The following KCNQ1 variants were observed in gnomAD, a reference collection of about 807,000 sequenced individuals.
KCNQ1 encodes potassium voltage-gated channel subfamily KQT member 1.
In KCNQ1, 49 loss-of-function variants were observed where a neutral mutation model predicts 72.4. That is an observed-to-expected ratio of 0.68 (90% CI 0.54 to 0.86). The LOEUF (loss-of-function observed/expected upper bound fraction) is 0.86. Ranked by LOEUF, KCNQ1 falls within the 40% of genes least tolerant of loss-of-function variation. KCNQ1 has a pLI of 0.00. For synonymous variants in KCNQ1, 450 were observed against 412.6 expected (o/e 1.09, Z -1.10); for missense variants, 790 against 945.1 (o/e 0.84, Z 2.15).
At position 2,803,207 on chromosome 11, in the gene KCNQ1, C is replaced by T. The variant is rs1847307712; in HGVS notation, c.1794+25170C>T. Among the ~76,000 whole-genome samples, 1 of 152,204 alleles carries T rather than the reference C, an allele frequency of 6.6e-6. No homozygotes were observed. Among genetic ancestry groups the T allele is most frequent in the African/African-American group, 2.4e-5 (1 of 41,450 alleles). On this transcript the variant is annotated intron_variant, in intron 15 of 15. Transcript: ENST00000155840. The surrounding 1 kb of genome is among the most constrained non-coding windows in gnomAD (Gnocchi z 6.4). ...CGCCCTGGCTTTGCTGGAGGACCTGCCATGGCTTTGCCAGAAGACCCTGGG... is the reference window on the plus strand; with the variant it reads ...CGCCCTGGCTTTGCTGGAGGACCTGTCATGGCTTTGCCAGAAGACCCTGGG...
rs144223872 is a variant in KCNQ1, at chr11:2,612,482, G to C, written c.1393+23628G>C. 2.5e-6 allele frequency: 1 copy of C among 398,318 alleles called. No homozygotes were observed. Among genetic ancestry groups the C allele is most frequent in the Non-Finnish European group, 4.4e-6 (1 of 226,042 alleles). The allele number at this position is 398,318 out of a possible 1,614,324, so 24.7% of individuals were successfully genotyped here. On this transcript the variant is annotated intron_variant, in intron 10 of 15. Coordinates refer to ENST00000155840, the MANE Select transcript of KCNQ1 (RefSeq NM_000218.3). The surrounding 1 kb of genome is among the most constrained non-coding windows in gnomAD (Gnocchi z 5.5). ...GTCTGAATCATCTTTATGGATCTGC[G>C]TTGAAGTTCATTGATTCTTTCTTCT... is the stretch of plus-strand genomic sequence containing the variant.
chr11:2,769,592 T>G lies in KCNQ1; in HGVS notation c.1590+673T>G. Among the ~76,000 whole-genome samples, 1 of 152,158 alleles carries G rather than the reference T, an allele frequency of 6.6e-6. No individual in the cohort carries two copies. Among genetic ancestry groups the G allele is most frequent in the African/African-American group, 2.4e-5 (1 of 41,452 alleles). ...GGCAGGCATGTCTCCCCTCCTGCCT[T>G]GGGGACATTCCTCGGATGAAGGCGG... On this transcript the variant is annotated intron_variant, in intron 12 of 15. Coordinates refer to ENST00000155840, the MANE Select transcript of KCNQ1 (RefSeq NM_000218.3). This position sits in a 1 kb window ranked among gnomAD's most constrained non-coding sequence, Gnocchi z 4.6.
At chr11:2,499,534 A>C (rs1846976158) in intron 1 of KCNQ1, among the ~76,000 whole-genome samples, 1 of 100,250 alleles carries the variant, frequency 1.0e-5, no homozygotes, top group South Asian at 3.3e-4. Flanking sequence ...CTGCCCCCAC[A>C]AAAAAAGACC....
intron 1 of KCNQ1, among the ~76,000 whole-genome samples, chr11:2,525,525 C>A (rs1221373961): frequency 6.6e-6 from 1 of 152,240 alleles, no homozygotes; most frequent in Non-Finnish European, 1.5e-5. Context: ...CAGGAGGAGT[C>A]CTCAGAGCCA....
At chr11:2,717,632 A>G (rs1246224505) in intron 11 of KCNQ1, among the ~76,000 whole-genome samples, 2 of 152,290 alleles carry the variant, frequency 1.3e-5, no homozygotes, top group East Asian at 3.9e-4. Flanking sequence ...CCATCCCCAT[A>G]TTCAGGAAAG....
rs1200012290 is a variant in KCNQ1 at position 2,813,093 on chromosome 11, G to C, written c.1795-34674G>C. 6.6e-6 allele frequency among the ~76,000 whole-genome samples: 1 copy of C among 152,232 alleles called. No homozygotes were observed. The highest frequency in any genetic ancestry group is 2.4e-5 in the African/African-American group (1 of 41,462). On this transcript the variant is annotated intron_variant, in intron 15 of 15. Coordinates refer to ENST00000155840, the MANE Select transcript of KCNQ1 (RefSeq NM_000218.3). This position sits in a 1 kb window ranked among gnomAD's most constrained non-coding sequence, Gnocchi z 4.4. ...AGAGCTGGCCAGCACCATCTCTCCT[G>C]TGAGAACCCTGTGCCTAGAACGGAG...
intron 10 of KCNQ1, chr11:2,609,655 TTCTC>T: frequency 2.5e-6 from 1 of 398,426 alleles, no homozygotes; most frequent in Non-Finnish European, 4.4e-6. Context: ...AATTGGCTAT[TTCTC>T]TGTTCAGTTC....
Position 2,451,901 on chromosome 11 carries a change from G to A in KCNQ1, c.386+6417G>A, listed in dbSNP as rs800336. 0.56 allele frequency among the ~76,000 whole-genome samples: 84,499 copies of A among 152,098 alleles called. 28,321 individuals carry two copies. The highest frequency in any genetic ancestry group is 0.74 in the Non-Finnish European group (50,296 of 67,976). ...TAGGATGCCCAGAAGCCCTTAGGAT[G>A]CTGTGGTCTCAAGTGAGGTGGTGCA... On this transcript the variant is annotated intron_variant, in intron 1 of 15. Coordinates refer to ENST00000155840, the MANE Select transcript of KCNQ1 (RefSeq NM_000218.3). This position sits in a 1 kb window ranked among gnomAD's most constrained non-coding sequence, Gnocchi z 6.4.
rs559720035 is a variant in KCNQ1 at position 2,776,921 on chromosome 11, G to A, written c.1686-65G>A. ...GGCACGTCAAGCTGTCTGTCCCACA[G>A]ACGACAGTGCATCTGCGCAGTGCCA... On this transcript the variant is annotated intron_variant, in intron 13 of 15. Coordinates refer to ENST00000155840, the MANE Select transcript of KCNQ1 (RefSeq NM_000218.3). 5.3e-6 allele frequency: 8 copies of A among 1,501,840 alleles called. No individual in the cohort carries two copies. In the East Asian group the frequency reaches 1.8e-4, roughly 34 times the overall value. The allele number at this position is 1,501,840 out of a possible 1,614,324, so 93.0% of individuals were successfully genotyped here. A position where few individuals can be genotyped will look rare whatever the true frequency, so the allele number is the denominator to read the frequency against.
rs1244680358 is a variant in KCNQ1 at position 2,595,877 on chromosome 11, A to C, written c.1393+7023A>C. Among the ~76,000 whole-genome samples the C allele has an allele frequency of 6.6e-6, 1 of 152,220 alleles. No homozygotes were observed. Among genetic ancestry groups the C allele is most frequent in the Non-Finnish European group, 1.5e-5 (1 of 68,028 alleles). ...AAGTAAATTGAAAACATTTTAGAAA[A>C]TAATCACCATTCTAGATGAAATTAA... On this transcript the variant is annotated intron_variant, in intron 10 of 15. Coordinates refer to ENST00000155840, the MANE Select transcript of KCNQ1 (RefSeq NM_000218.3). This position sits in a 1 kb window ranked among gnomAD's most constrained non-coding sequence, Gnocchi z 5.0.
At chr11:2,681,270 C>CTT in intron 11 of KCNQ1, 1 of 398,578 alleles carries the variant, frequency 2.5e-6, no homozygotes, top group Non-Finnish European at 4.4e-6. Flanking sequence ...GAGAGCTTCA[C>CTT]TTTCTCCCTA....
chr11:2,457,832 ATGTAAGT>A lies in KCNQ1; in HGVS notation c.386+12350_386+12356del, dbSNP rs753763333. Among the ~76,000 whole-genome samples, 1 of 151,674 alleles carries A rather than the reference ATGTAAGT, an allele frequency of 6.6e-6. No homozygotes were observed. Reference sequence around the variant, plus strand: ...CATGGGAGAAAAAAAAAAAAAACAGATGTAAGTTAGAAGAGGTTACGCAAAAATCCTC... The same window carrying A: ...CATGGGAGAAAAAAAAAAAAAACAGATAGAAGAGGTTACGCAAAAATCCTC... On this transcript the variant is annotated intron_variant, in intron 1 of 15. Coordinates refer to ENST00000155840, the MANE Select transcript of KCNQ1 (RefSeq NM_000218.3). The surrounding 1 kb of genome is among the most constrained non-coding windows in gnomAD (Gnocchi z 5.0).
rs563695327 is a variant in KCNQ1 at position 2,601,366 on chromosome 11, T to G, written c.1393+12512T>G. ...TTGCCCGTTTAAAAAAATGAGACTT[T>G]CAAGCTTTTTATTTTTAGACATTCA... On this transcript the variant is annotated intron_variant, in intron 10 of 15. Coordinates refer to ENST00000155840, the MANE Select transcript of KCNQ1 (RefSeq NM_000218.3). The surrounding 1 kb of genome is among the most constrained non-coding windows in gnomAD (Gnocchi z 5.2). 2.0e-5 allele frequency among the ~76,000 whole-genome samples: 3 copies of G among 152,342 alleles called. No homozygotes were observed. In the East Asian group the frequency reaches 5.8e-4, roughly 29 times the overall value.
intron 11 of KCNQ1, among the ~76,000 whole-genome samples, chr11:2,756,068 C>T (rs114488592): frequency 6.6e-6 from 1 of 152,330 alleles, no homozygotes; most frequent in African/African-American, 2.4e-5. Flanking sequence ...GTCTCTCCTA[C>T]ATTGCTGATG....
At chr11:2,629,102 G>A (rs1035093058) in intron 10 of KCNQ1, 1 of 397,690 alleles carries the variant, frequency 2.5e-6, no homozygotes, top group Non-Finnish European at 4.4e-6. Flanking sequence ...CAAATTTTAG[G>A]ATTTTTTTTG....
At chr11:2,469,299 ACT>A (rs1356185403) in intron 1 of KCNQ1, among the ~76,000 whole-genome samples, 1 of 149,824 alleles carries the variant, frequency 6.7e-6, no homozygotes, top group Non-Finnish European at 1.5e-5. Context: ...AGAGAATCTC[ACT>A]CTCCGTCTCC....
rs932709106 is a variant in KCNQ1, at chr11:2,579,932, T to C, written c.922-3503T>C. Among the ~76,000 whole-genome samples the C allele has an allele frequency of 3.9e-5, 6 of 152,218 alleles. No homozygotes were observed. In the South Asian group the frequency reaches 1.2e-3, roughly 32 times the overall value. On this transcript the variant is annotated intron_variant, in intron 6 of 15. Coordinates refer to ENST00000155840, the MANE Select transcript of KCNQ1 (RefSeq NM_000218.3). This position sits in a 1 kb window ranked among gnomAD's most constrained non-coding sequence, Gnocchi z 6.0. Reference sequence around the variant, plus strand: ...CCTCACCTGCTCACCTGACCCCAACTCCACTCTGACTTCCAGGCCAGCCCC... The same window carrying C: ...CCTCACCTGCTCACCTGACCCCAACCCCACTCTGACTTCCAGGCCAGCCCC...
intron 11 of KCNQ1, among the ~76,000 whole-genome samples, chr11:2,732,592 G>A (rs1262784439): frequency 2.6e-5 from 4 of 152,222 alleles, no homozygotes; most frequent in Non-Finnish European, 5.9e-5. Flanking sequence ...GGGGCCCGAG[G>A]CACCGGTGCT....
intron 1 of KCNQ1, among the ~76,000 whole-genome samples, chr11:2,513,119 C>A (rs1400574373): frequency 6.6e-6 from 1 of 152,108 alleles, no homozygotes; most frequent in African/African-American, 2.4e-5. Flanking sequence ...TCTGGGCCAC[C>A]AGGTCTTGTC....
Sources: gnomAD v4.1 joint callset for allele counts (sites outside exome capture counted in the v4.1 genomes callset) on GRCh38, gnomAD v4.1.1 for gene constraint, Gnocchi (gnomAD v3.1) non-coding constraint, MANE v1.5 for transcripts, NCBI Gene and HGNC (gene_info 2026-07-23, HGNC 2026-07-21) for gene names.